The following POTEC variants were observed in gnomAD, a reference collection of about 807,000 sequenced individuals.
POTEC encodes the protein POTE ankyrin domain family member C, also known as ANKRD26-like family B member 2.
POTEC carries 35 observed loss-of-function variants against 62.0 expected under a neutral mutation model. The observed-to-expected ratio is 0.56, with a 90% CI of 0.43 to 0.75. The LOEUF (loss-of-function observed/expected upper bound fraction) is 0.75. Among genes scored for constraint, POTEC ranks in the 30% least tolerant of loss-of-function variants. POTEC has a pLI of 0.00. For missense variants in POTEC, 472 were observed against 655.9 expected, an observed-to-expected ratio of 0.72 and a Z score of 3.06; for synonymous variants, 156 against 221.5, an observed-to-expected ratio of 0.70 and a Z score of 2.62.
intron 4 of POTEC, among the ~76,000 whole-genome samples, chr18:14,534,612 C>A (rs1248531888): frequency 6.6e-5 from 10 of 151,620 alleles, no homozygotes; most frequent in African/African-American, 2.4e-4. Context: ...AGTTAAAGTT[C>A]AAACTTCATA....
intron 1 of POTEC, among the ~76,000 whole-genome samples, chr18:14,540,995 A>G (rs1905913498): frequency 6.6e-6 from 1 of 151,964 alleles, no homozygotes; most frequent in East Asian, 1.9e-4. Flanking sequence ...GGTTCAAGCA[A>G]TTCTCCTGCC....
rs1164878892 is a variant in POTEC, at chr18:14,512,855, T to C, written c.1533+807A>G. On this transcript the variant is annotated intron_variant, in intron 10 of 10. Transcript: ENST00000358970. ...CTTCTGATGCTACTGCTAGTGATCC[T>C]CCACAAAATCACAGTTGCTTCTGTA... Among the ~76,000 whole-genome samples, 7 of 152,274 alleles carry C rather than the reference T, an allele frequency of 4.6e-5. No homozygotes were observed. In the East Asian group the frequency reaches 1.3e-3, roughly 29 times the overall value.
rs369343694 is a variant in POTEC at position 14,529,981 on chromosome 18, C to T, written c.1126+502G>A. Among the ~76,000 whole-genome samples, 21 of 152,118 alleles carry T rather than the reference C, an allele frequency of 1.4e-4. 1 individual carries two copies. The East Asian group carries it at 1.7e-3, about 13-fold the overall frequency. ...GTACCACTCCATGGACTATTATGAA[C>T]CACACCACACAGGAGGAGGTGAGCA... is the stretch of plus-strand genomic sequence containing the variant. On this transcript the variant is annotated intron_variant, in intron 6 of 10. Coordinates refer to ENST00000358970, the MANE Select transcript of POTEC (RefSeq NM_001137671.2).
intron 5 of POTEC, among the ~76,000 whole-genome samples, chr18:14,531,496 A>G (rs1905515951): frequency 6.6e-6 from 1 of 152,122 alleles, no homozygotes; most frequent in African/African-American, 2.4e-5. Flanking sequence ...ATACATACTT[A>G]TAATATATTT....
chr18:14,537,835 A>T lies in POTEC; in HGVS notation c.776T>A (p.Leu259His), dbSNP rs2143164625. 6.2e-7 allele frequency: 1 copy of T among 1,611,916 alleles called. No individual in the cohort carries two copies. Residue 259 changes from leucine to histidine, a missense_variant, in exon 3 of 11, where the codon CTC (leucine) becomes CAC (histidine). Leu to His is a moderately conservative substitution (Grantham distance 99, BLOSUM62 -3). Around this residue, in one of 5 missense-constraint regions of POTEC, gnomAD observed 52 missense variants for 54.2 expected, o/e 0.96. Transcript: ENST00000358970. ...NEDKLMAKAL[L>H]LYGADIESKN... ...TGATTCAATATCAGCACCATATAAGAGCAGTGCTTTGGCCATTAATTTATC... is the reference window on the plus strand; with the variant it reads ...TGATTCAATATCAGCACCATATAAGTGCAGTGCTTTGGCCATTAATTTATC...
chr18:14,526,609 C>G (rs565129040), intron 6 of POTEC, among the ~76,000 whole-genome samples: 5 of 151,996 alleles, frequency 3.3e-5, no homozygotes, highest in Non-Finnish European at 7.4e-5. Context: ...GCATGCCACA[C>G]AGCAGCAAGA....
chr18:14,527,461 GCT>G (rs1199757280), intron 6 of POTEC, among the ~76,000 whole-genome samples: 11 of 151,998 alleles, frequency 7.2e-5, no homozygotes, highest in African/African-American at 2.7e-4. Flanking sequence ...TATGCTCCTT[GCT>G]CTCTTTCTTT....
chr18:14,529,776 C>T (rs1905438850), intron 6 of POTEC, among the ~76,000 whole-genome samples: 1 of 152,094 alleles, frequency 6.6e-6, no homozygotes, highest in Non-Finnish European at 1.5e-5. Flanking sequence ...AAATGTATCT[C>T]TTTCCAACTT....
chr18:14,511,647 T>G lies in POTEC; in HGVS notation c.*251A>C, dbSNP rs1013434068. 1.4e-4 allele frequency: 77 copies of G among 569,486 alleles called. No individual in the cohort carries two copies. The African/African-American group carries it at 1.5e-3, about 11-fold the overall frequency. The allele number at this position is 569,486 out of a possible 1,614,324, so 35.3% of individuals were successfully genotyped here. The stretch of plus-strand genomic sequence containing the variant: ...TGATCACAATCATGTAGAGCAGTAG[T>G]CAGTCTACAATGACATGATTGAATT... On this transcript the variant is annotated 3_prime_UTR_variant, in exon 11 of 11. Transcript: ENST00000358970.
At chr18:14,542,535 G>A (rs540772438) in intron 1 of POTEC, 91 bp downstream of exon 1, 6 of 1,578,894 alleles carry the variant, frequency 3.8e-6, no homozygotes, top group Non-Finnish European at 4.3e-6. Context: ...TGCGGAGGAA[G>A]AGAAAGCCTG....
At chr18:14,529,003 T>C (rs1011154827) in intron 6 of POTEC, 2 of 454,368 alleles carry the variant, frequency 4.4e-6, no homozygotes, top group African/African-American at 2.0e-5. Flanking sequence ...CACAATCTTG[T>C]TGCATGTTCC....
intron 9 of POTEC, among the ~76,000 whole-genome samples, chr18:14,521,801 C>A (rs1910316351): frequency 1.3e-5 from 2 of 152,104 alleles, no homozygotes; most frequent in Admixed American, 1.3e-4. Flanking sequence ...GGAAACTAAA[C>A]AATGAGAACT....
chr18:14,535,124 C>G, intron 3 of POTEC, 117 bp from the exon 4 acceptor site: 1 of 1,493,356 alleles, frequency 6.7e-7, no homozygotes, highest in Non-Finnish European at 9.0e-7. Context: ...TGGTCACTTC[C>G]TTCTCACTCT....
At position 14,508,677 on chromosome 18, in the gene POTEC, C is replaced by T. The variant is rs904294828; in HGVS notation, c.*3221G>A. 2 of 152,566 alleles carry T rather than the reference C, an allele frequency of 1.3e-5. No individual in the cohort carries two copies. The highest frequency in any genetic ancestry group is 2.9e-5 in the Non-Finnish European group (2 of 68,016). 9.5% of individuals were successfully genotyped at this position (152,566 alleles called of 1,614,324 possible). On this transcript the variant is annotated 3_prime_UTR_variant, in exon 11 of 11. Transcript: ENST00000358970. ...TGGATTACAACATACTTCTTTCACT[C>T]AATGAACTTTGTTCCTACCCATATC...
chr18:14,543,378 A>G lies in POTEC; in HGVS notation c.-232T>C. 2.9e-6 allele frequency: 2 copies of G among 686,146 alleles called. No homozygotes were observed. The highest frequency in any genetic ancestry group is 4.9e-6 in the Non-Finnish European group (2 of 409,568). 42.5% of individuals were successfully genotyped at this position (686,146 alleles called of 1,614,324 possible). A position where few individuals can be genotyped will look rare whatever the true frequency, so the allele number is the denominator to read the frequency against. ...AGGGGGACCCAACGCCCACCCCAGGAAAGGCCAAGCCCCCCCTCCCAAGGA... is the reference window on the plus strand; with the variant it reads ...AGGGGGACCCAACGCCCACCCCAGGGAAGGCCAAGCCCCCCCTCCCAAGGA... On this transcript the variant is annotated 5_prime_UTR_variant, in exon 1 of 11. Transcript: ENST00000358970.
At position 14,516,325 on chromosome 18, in the gene POTEC, TATATATATATAC is replaced by T. The variant is rs1406799596; in HGVS notation, c.1410-2552_1410-2541del. Among the ~76,000 whole-genome samples, 17 of 74,834 alleles carry T rather than the reference TATATATATATAC, an allele frequency of 2.3e-4. 1 individual carries two copies. The highest frequency in any genetic ancestry group is 9.6e-4 in the African/African-American group (15 of 15,580). The allele number at this position is 74,834 out of a possible 152,430, so 49.1% of individuals were successfully genotyped here. A position where few individuals can be genotyped will look rare whatever the true frequency, so the allele number is the denominator to read the frequency against. On this transcript the variant is annotated intron_variant, in intron 9 of 10. Transcript: ENST00000358970. ...ATATATATATATATATATATATATA[TATATATATATAC>T]CTATACCTGAGACTGGGTAATTCAT...
At chr18:14,525,018 C>T (rs760755561) in intron 6 of POTEC, 35 bp from the exon 7 acceptor site, 13 of 1,589,526 alleles carry the variant, frequency 8.2e-6, no homozygotes, top group Non-Finnish European at 9.4e-6. Flanking sequence ...TTAAGATGAA[C>T]CACTTAGAAC....
intron 1 of POTEC, among the ~76,000 whole-genome samples, chr18:14,541,911 T>A (rs1445360699): frequency 6.6e-6 from 1 of 152,244 alleles, no homozygotes; most frequent in South Asian, 2.1e-4. Context: ...TTCATTTATG[T>A]CTTTTCAGCT....
Position 14,543,136 on chromosome 18 carries a change from T to A in POTEC, c.11A>T (p.Glu4Val). The part of the protein sequence containing the change: MVT[E>V]VCSMPAASAV... ...AGAGGCAGCGGGCATTGAACAAACC[T>A]CAGTCACCATCTGCTTTTAACAGCC... is the stretch of plus-strand genomic sequence containing the variant. The change falls in exon 1 of 11, where the codon GAG becomes GTG. Residue 4 changes from glutamate to valine, a missense_variant. Glu to Val is a moderately radical substitution (Grantham distance 121). This residue lies in a region of POTEC where 257 missense variants were observed against 250.7 expected (regional missense o/e 1.03). Transcript: ENST00000358970. 1.2e-6 allele frequency: 2 copies of A among 1,613,846 alleles called. No individual in the cohort carries two copies. Among genetic ancestry groups the A allele is most frequent in the Non-Finnish European group, 8.5e-7 (1 of 1,179,852 alleles).
Sources: gnomAD v4.1 joint callset for allele counts (sites outside exome capture counted in the v4.1 genomes callset) on GRCh38, gnomAD v4.1.1 for gene constraint, gnomAD v4.1.1 regional missense constraint, MANE v1.5 for transcripts, NCBI Gene and HGNC (gene_info 2026-07-23, HGNC 2026-07-21) for gene names.